The following TSC2 variants were observed in gnomAD, a reference collection of about 807,000 sequenced individuals.
The protein encoded by TSC2 is TSC complex subunit 2.
A neutral mutation model predicts 202.2 loss-of-function variants in TSC2; 29 were observed. That is an observed-to-expected ratio of 0.14 (90% CI 0.11 to 0.20). TSC2 has a LOEUF of 0.20. TSC2 is among the 10% of genes least tolerant of loss of function. The pLI, the probability that TSC2 is intolerant of heterozygous loss-of-function variation, is 1.00. For missense variants in TSC2, 2,429 were observed against 2,420.0 expected (o/e 1.00, Z -0.08); for synonymous variants, 1,349 against 1,044.0 (o/e 1.29, Z -5.63).
At chr16:2,085,468 C>A in intron 36 of TSC2, 146 bp downstream of exon 36, 1 of 897,180 alleles carries the variant, frequency 1.1e-6, no homozygotes, top group Non-Finnish European at 1.7e-6. Flanking sequence ...GAGCTCTGTG[C>A]CAGGTGCTGC....
chr16:2,072,013 C>T (rs561648369), intron 19 of TSC2, 79 bp downstream of exon 19: 2 of 1,499,646 alleles, frequency 1.3e-6, no homozygotes, highest in Non-Finnish European at 1.8e-6. Context: ...TGCTGGGCCT[C>T]CCTCCCTGTC....
At chr16:2,053,170 G>A (rs2085337391) in intron 3 of TSC2, among the ~76,000 whole-genome samples, 172 bp from the exon 4 acceptor site, 1 of 152,228 alleles carries the variant, frequency 6.6e-6, no homozygotes, top group East Asian at 1.9e-4. Context: ...TACGAAGCCT[G>A]TGGTCATCTC....
intron 3 of TSC2, 94 bp downstream of exon 3, chr16:2,050,580 C>T: frequency 1.0e-6 from 1 of 977,912 alleles, no homozygotes; most frequent in Non-Finnish European, 1.6e-6. Flanking sequence ...CAGCTGACTG[C>T]CGATGATCTG....
At position 2,084,674 on chromosome 16, in the gene TSC2, C is replaced by T. The variant is rs1555514573; in HGVS notation, c.4452C>T (p.Ala1484=). 6.3e-6 allele frequency: 10 copies of T among 1,598,690 alleles called. No homozygotes were observed. Among genetic ancestry groups the T allele is most frequent in the Non-Finnish European group, 8.5e-6 (10 of 1,179,858 alleles). The change falls in exon 34 of 42, where the codon GCC becomes GCT. Residue 1484 remains alanine, a synonymous_variant. Coordinates refer to ENST00000219476, the MANE Select transcript of TSC2 (RefSeq NM_000548.5). ...AGAGGGACGCCTTAAAGAGCAGAGC[C>T]ACAGCCTCCAATGCAGAGAAAGTGC... ...RVERDALKSR[A]TASNAEKVPG...
In TSC2 at chr16:2,088,717, G is replaced by A; in HGVS notation, c.*107G>A. ...GACATAGAGGCACAGATTGCAGTCA[G>A]ACAGCTCTTTTATTGACTTTGTCTG... On this transcript the variant is annotated 3_prime_UTR_variant, in exon 42 of 42. Coordinates refer to ENST00000219476, the MANE Select transcript of TSC2 (RefSeq NM_000548.5). 7 of 1,429,866 alleles carry A rather than the reference G, an allele frequency of 4.9e-6. No homozygotes were observed. The highest frequency in any genetic ancestry group is 3.8e-5 in the South Asian group (3 of 78,796). 88.6% of individuals were successfully genotyped at this position (1,429,866 alleles called of 1,614,324 possible).
At position 2,081,664 on chromosome 16, in the gene TSC2, C is replaced by T. The variant is rs2090157247; in HGVS notation, c.3680C>T (p.Pro1227Leu). The stretch of plus-strand genomic sequence containing the variant: ...TTCTCCTCGGACATCAACAACATGC[C>T]CCTGCAGGAGCTGTCTAACGCCCTC... ...SPFSSDINNM[P>L]LQELSNALMA... The change falls in exon 31 of 42, where the codon CCC becomes CTC. Residue 1227 changes from proline to leucine, a missense_variant. Pro to Leu is a moderately conservative substitution (Grantham distance 98, BLOSUM62 -3). Coordinates refer to ENST00000219476, the MANE Select transcript of TSC2 (RefSeq NM_000548.5). 1.2e-6 allele frequency: 2 copies of T among 1,612,986 alleles called. No homozygotes were observed. Among genetic ancestry groups the T allele is most frequent in the Non-Finnish European group, 1.7e-6 (2 of 1,180,020 alleles).
At chr16:2,069,422 T>G (rs1222041390) in intron 16 of TSC2, among the ~76,000 whole-genome samples, 1 of 152,134 alleles carries the variant, frequency 6.6e-6, no homozygotes, top group African/African-American at 2.4e-5. Flanking sequence ...GTTCAAGCGA[T>G]TCTCCTGCCT....
At position 2,074,633 on chromosome 16, in the gene TSC2, C is replaced by G. The variant is rs143553665; in HGVS notation, c.2545+244C>G. 799 of 575,958 alleles carry G rather than the reference C, an allele frequency of 1.4e-3. 2 individuals are homozygous for G. Among genetic ancestry groups the G allele is most frequent in the African/African-American group, 0.013 (676 of 53,634 alleles). The allele number at this position is 575,958 out of a possible 1,614,324, so 35.7% of individuals were successfully genotyped here. A position where few individuals can be genotyped will look rare whatever the true frequency, so the allele number is the denominator to read the frequency against. On this transcript the variant is annotated intron_variant, in intron 22 of 41. Coordinates refer to ENST00000219476, the MANE Select transcript of TSC2 (RefSeq NM_000548.5). ...TCCTCCTTGAAGAAGCCTCTTCCCC[C>G]CCGAGCAGTGGCCCTCCCCTGGTTT...
intron 25 of TSC2, among the ~76,000 whole-genome samples, chr16:2,076,940 C>T (rs1850277731): frequency 6.6e-6 from 1 of 152,230 alleles, no homozygotes; most frequent in African/African-American, 2.4e-5. Context: ...TTCATCACCG[C>T]CGCCTTGCCG....
intron 11 of TSC2, chr16:2,061,273 C>G (rs1227460897): frequency 3.4e-6 from 1 of 297,672 alleles, no homozygotes; most frequent in South Asian, 3.2e-5. Flanking sequence ...ATCCAGCAGC[C>G]TCAGGGCTGT....
chr16:2,064,620 A>C, intron 15 of TSC2, 193 bp downstream of exon 15: 1 of 836,964 alleles, frequency 1.2e-6, no homozygotes, highest in Non-Finnish European at 1.9e-6. Flanking sequence ...TCCTGACTGA[A>C]AGTCCTGGAC....
chr16:2,080,637 C>A (rs1416952562), intron 30 of TSC2: 31 of 486,852 alleles, frequency 6.4e-5, no homozygotes, highest in East Asian at 2.6e-4. Context: ...GCGCCCGCCA[C>A]CACGCCTGGC....
At chr16:2,083,621 G>A in intron 32 of TSC2, 74 bp from the exon 33 acceptor site, 2 of 1,546,822 alleles carry the variant, frequency 1.3e-6, no homozygotes, top group Non-Finnish European at 1.7e-6. Context: ...GGAGAAGGCT[G>A]GTTCTCGGAG....
Position 2,071,794 on chromosome 16 carries a change from A to G in TSC2, c.1957A>G (p.Arg653Gly), listed in dbSNP as rs764225717. Reference sequence around the variant, plus strand: ...CTCTTGCTTCTGCAGGGAGCCAGAGAGAGGCTCTGAGAAGAAGACCAGCGG... The same window carrying G: ...CTCTTGCTTCTGCAGGGAGCCAGAGGGAGGCTCTGAGAAGAAGACCAGCGG... Reference protein sequence around the residue: ...YCVCDYMEPERGSEKKTSGPL... With the variant: ...YCVCDYMEPEGGSEKKTSGPL... The change falls in exon 19 of 42, where the codon AGA becomes GGA. Residue 653 changes from arginine to glycine, a missense_variant. Coordinates refer to ENST00000219476, the MANE Select transcript of TSC2 (RefSeq NM_000548.5). The G allele has an allele frequency of 6.2e-7, 1 of 1,604,484 alleles. No individual in the cohort carries two copies. Among genetic ancestry groups the G allele is most frequent in the South Asian group, 1.1e-5 (1 of 89,804 alleles).
In TSC2 at chr16:2,089,344, T is replaced by G. The variant is rs2091337204; in HGVS notation, c.*734T>G. 1 of 332,202 alleles carries G rather than the reference T, an allele frequency of 3.0e-6. No homozygotes were observed. The highest frequency in any genetic ancestry group is 2.1e-5 in the African/African-American group (1 of 47,650). The allele number at this position is 332,202 out of a possible 1,614,324, so 20.6% of individuals were successfully genotyped here. A position where few individuals can be genotyped will look rare whatever the true frequency, so the allele number is the denominator to read the frequency against. ...GGTAGGAACTGGAGAGGTAATAACT[T>G]AGGGGCAGGGTGGCGGCGGTGCAGG... On this transcript the variant is annotated 3_prime_UTR_variant, in exon 42 of 42. Transcript: ENST00000219476.
intron 13 of TSC2, 78 bp from the exon 14 acceptor site, chr16:2,062,894 C>G: frequency 3.3e-6 from 5 of 1,494,892 alleles, no homozygotes; most frequent in Non-Finnish European, 2.7e-6. Context: ...GTCGGGCTGG[C>G]CTGCGCCAGG....
At chr16:2,086,627 C>A in intron 37 of TSC2, 105 bp from the exon 38 acceptor site, 9 of 1,553,854 alleles carry the variant, frequency 5.8e-6, no homozygotes, top group Non-Finnish European at 7.8e-6. Context: ...ACGTGGTCCC[C>A]GCAGGCCCCC....
In TSC2 at chr16:2,079,873, C is replaced by A. The variant is rs1323843833; in HGVS notation, c.3397+204C>A. ...GTGTGGCCCGCTTGCTGCAGAGGGG[C>A]CTGCTCTGGGTGCTGGTGTTTCCTG... is the stretch of plus-strand genomic sequence containing the variant. On this transcript the variant is annotated intron_variant, in intron 29 of 41. Transcript: ENST00000219476. This position sits in a 1 kb window ranked among gnomAD's most constrained non-coding sequence, Gnocchi z 4.6. Among the ~76,000 whole-genome samples the A allele has an allele frequency of 6.6e-6, 1 of 152,178 alleles. No individual in the cohort carries two copies.
In TSC2 at chr16:2,081,665, C is replaced by A. The variant is rs181279399; in HGVS notation, c.3681C>A (p.Pro1227=). ...SPFSSDINNM[P]LQELSNALMA... ...TCTCCTCGGACATCAACAACATGCC[C>A]CTGCAGGAGCTGTCTAACGCCCTCA... is the stretch of plus-strand genomic sequence containing the variant. The change falls in exon 31 of 42, where the codon CCC becomes CCA. Residue 1227 remains proline, a synonymous_variant. Transcript: ENST00000219476. The A allele has an allele frequency of 5.4e-5, 87 of 1,612,982 alleles. No homozygotes were observed. Among genetic ancestry groups the A allele is most frequent in the Admixed American group, 3.7e-4 (22 of 60,032 alleles).
Sources: allele counts gnomAD v4.1 joint callset (sites outside exome capture counted in the v4.1 genomes callset), GRCh38; gene constraint gnomAD v4.1.1; non-coding constraint Gnocchi (gnomAD v3.1); transcripts MANE v1.5; gene names NCBI Gene and HGNC (gene_info 2026-07-23, HGNC 2026-07-21).